Variants in GYG2 observed in about 807,000 individuals in gnomAD.
GYG2 encodes glycogenin-2.
A neutral mutation model predicts 29.4 loss-of-function variants in GYG2; 29 were observed. That is an observed-to-expected ratio of 0.99 (90% confidence interval 0.74 to 1.35). The LOEUF (loss-of-function observed/expected upper bound fraction) is 1.35, where lower values mean the gene tolerates loss of function less well. GYG2 is among the 40% of genes most tolerant of loss of function. The pLI is 0.00. For synonymous variants in GYG2, 167 were observed against 172.3 expected, an observed-to-expected ratio of 0.97 and a Z score of 0.24; for missense variants, 370 against 385.7, an observed-to-expected ratio of 0.96 and a Z score of 0.34.
intron 10 of GYG2, among the ~76,000 whole-genome samples, chrX:2,879,270 CT>C (rs752455317): frequency 0.013 from 1,178 of 93,363 alleles, 17 homozygotes; most frequent in African/African-American, 0.039. Context: ...TATCTATTTT[CT>C]TTTTTTTTTT....
At chrX:2,858,335 G>A (rs751697018) in intron 6 of GYG2, among the ~76,000 whole-genome samples, 11 of 111,016 alleles carry the variant, frequency 9.9e-5, no homozygotes, top group Non-Finnish European at 2.1e-4. Flanking sequence ...ATGTGGTGTC[G>A]CACACCGCTA....
intron 2 of GYG2, among the ~76,000 whole-genome samples, chrX:2,830,540 TCTC>T (rs1247463845): frequency 8.9e-6 from 1 of 112,300 alleles, no homozygotes; most frequent in Non-Finnish European, 1.9e-5. Flanking sequence ...AGAAGTCTGT[TCTC>T]CTGAAATGGC....
intron 2 of GYG2, among the ~76,000 whole-genome samples, chrX:2,835,675 C>T (rs374932021): frequency 0.018 from 1,959 of 110,109 alleles, 46 homozygotes; most frequent in African/African-American, 0.06. Flanking sequence ...TCTGGAGCCA[C>T]CAGGAGCTGG....
intron 8 of GYG2, among the ~76,000 whole-genome samples, chrX:2,863,584 C>T (rs1444576430): frequency 3.6e-5 from 4 of 112,338 alleles, no homozygotes; most frequent in Admixed American, 9.4e-5. Flanking sequence ...AGACACCACA[C>T]GCTTCACTGT....
At chrX:2,860,103 C>A in intron 7 of GYG2, 38 bp downstream of exon 7, 1 of 899,479 alleles carries the variant, frequency 1.1e-6, no homozygotes, top group Non-Finnish European at 1.6e-6. Context: ...TAGCTGAGGA[C>A]GAGGAGAACA....
chrX:2,876,818 G>A (rs28577158), intron 9 of GYG2, among the ~76,000 whole-genome samples: 4,853 of 109,810 alleles, frequency 0.044, 282 homozygotes, highest in African/African-American at 0.15. Flanking sequence ...GCGTGGTGGT[G>A]GGCGCCTGTA....
Position 2,877,308 on chromosome X carries a change from G to A in GYG2, c.1251+1G>A, listed in dbSNP as rs762752754. The A allele has an allele frequency of 6.6e-6, 8 of 1,206,552 alleles. No homozygotes were observed. The highest frequency in any genetic ancestry group is 9.0e-6 in the Non-Finnish European group (8 of 892,876). ...CCCCAGTCTGCAGGATGCACTGGAGGTGGTATCCAAATTCTTCCCCTTGCC... is the reference window on the plus strand; with the variant it reads ...CCCCAGTCTGCAGGATGCACTGGAGATGGTATCCAAATTCTTCCCCTTGCC... On this transcript the variant is annotated splice_donor_variant, in intron 10 of 10. Coordinates refer to ENST00000398806, the MANE Select transcript of GYG2 (RefSeq NM_001079855.2). LOFTEE classifies it high-confidence loss of function.
At chrX:2,849,512 G>A (rs1446880174) in intron 3 of GYG2, among the ~76,000 whole-genome samples, 2 of 111,974 alleles carry the variant, frequency 1.8e-5, no homozygotes, top group Non-Finnish European at 3.8e-5. Context: ...GATTGAAAGT[G>A]TTCCAGATAT....
At chrX:2,845,795 G>A (rs2087703581) in intron 3 of GYG2, among the ~76,000 whole-genome samples, 1 of 102,321 alleles carries the variant, frequency 9.8e-6, no homozygotes, top group African/African-American at 3.5e-5. Flanking sequence ...ATATACATGT[G>A]TATGTGTATA....
chrX:2,881,334 T>G lies in GYG2; in HGVS notation c.*121T>G, dbSNP rs752264511. 1 of 593,986 alleles carries G rather than the reference T, an allele frequency of 1.7e-6. No individual in the cohort carries two copies. Among genetic ancestry groups the G allele is most frequent in the Admixed American group, 4.3e-5 (1 of 23,401 alleles). 49.0% of individuals were successfully genotyped at this position (593,986 alleles called of 1,213,427 possible). A position where few individuals can be genotyped will look rare whatever the true frequency, so the allele number is the denominator to read the frequency against. Reference sequence around the variant, plus strand: ...CTGTTGAACCTTGTGCCTCTATTTATGCTTAATCCATTTGAGTGCCTCACA... The same window carrying G: ...CTGTTGAACCTTGTGCCTCTATTTAGGCTTAATCCATTTGAGTGCCTCACA... On this transcript the variant is annotated 3_prime_UTR_variant, in exon 11 of 11. Coordinates refer to ENST00000398806, the MANE Select transcript of GYG2 (RefSeq NM_001079855.2).
intron 2 of GYG2, among the ~76,000 whole-genome samples, chrX:2,833,446 A>C (rs1417199977): frequency 4.5e-5 from 5 of 111,182 alleles, no homozygotes; most frequent in Non-Finnish European, 3.8e-5. Context: ...ATTAATCCTC[A>C]TGTTTTCCCT....
chrX:2,863,509 C>T (rs968647867), intron 8 of GYG2, among the ~76,000 whole-genome samples: 1 of 112,117 alleles, frequency 8.9e-6, no homozygotes, highest in African/African-American at 3.2e-5. Flanking sequence ...CAGATAGCTC[C>T]GGGAGAGCCG....
At chrX:2,844,076 T>C (rs1015464768) in intron 3 of GYG2, among the ~76,000 whole-genome samples, 4 of 112,705 alleles carry the variant, frequency 3.5e-5, no homozygotes, top group Non-Finnish European at 5.6e-5. Flanking sequence ...ATGTAAGCAA[T>C]AATCTTTTTC....
intron 3 of GYG2, among the ~76,000 whole-genome samples, chrX:2,844,786 A>G (rs62582304): frequency 0.044 from 57 of 1,298 alleles, 23 homozygotes; most frequent in South Asian, 1. Flanking sequence ...ACGTATGCAT[A>G]TATATATACA....
chrX:2,856,338 C>G (rs2087983343), intron 5 of GYG2, among the ~76,000 whole-genome samples, 160 bp from the exon 6 acceptor site: 1 of 111,265 alleles, frequency 9.0e-6, no homozygotes, highest in Non-Finnish European at 1.9e-5. Context: ...TCAGTCTTTT[C>G]TGAGAACCAA....
At chrX:2,858,658 C>T (rs1168161107) in intron 6 of GYG2, among the ~76,000 whole-genome samples, 6 of 111,350 alleles carry the variant, frequency 5.4e-5, no homozygotes, top group Non-Finnish European at 1.1e-4. Flanking sequence ...GACACGGTGT[C>T]CCTAAGGAAG....
intron 3 of GYG2, among the ~76,000 whole-genome samples, chrX:2,852,182 A>G (rs1407380550): frequency 8.9e-6 from 1 of 111,953 alleles, no homozygotes; most frequent in East Asian, 2.8e-4. Context: ...ACTTGAGCCC[A>G]GGAGTTCGAG....
intron 8 of GYG2, among the ~76,000 whole-genome samples, chrX:2,865,400 G>A (rs765898961): frequency 6.3e-4 from 71 of 111,832 alleles, no homozygotes; most frequent in Non-Finnish European, 1.2e-3. Context: ...TATTAATCTC[G>A]ATGGAATTGT....
intron 8 of GYG2, among the ~76,000 whole-genome samples, chrX:2,871,106 A>T (rs140718037): frequency 9.1e-6 from 1 of 109,618 alleles, no homozygotes; most frequent in Non-Finnish European, 1.9e-5. Context: ...ATTGGGCTTC[A>T]GTGTTTGTGA....
Sources: gnomAD v4.1 joint callset for allele counts (sites outside exome capture counted in the v4.1 genomes callset) on GRCh38, gnomAD v4.1.1 for gene constraint, MANE v1.5 for transcripts, NCBI Gene and HGNC (gene_info 2026-07-23, HGNC 2026-07-21) for gene names.